OLFM3: variants seen among roughly 807,000 people sequenced by gnomAD.
OLFM3 encodes olfactomedin 3.
OLFM3 carries 20 observed loss-of-function variants against 48.6 expected under a neutral mutation model. That is an observed-to-expected ratio of 0.41 (90% CI 0.29 to 0.60). OLFM3 has a LOEUF of 0.60. Ranked by LOEUF, OLFM3 falls within the 20% of genes least tolerant of loss-of-function variation. OLFM3 has a pLI of 0.28. For synonymous variants in OLFM3, 222 were observed against 198.1 expected, an observed-to-expected ratio of 1.12 and a Z score of -1.01; for missense variants, 437 against 544.3, an observed-to-expected ratio of 0.80 and a Z score of 1.96.
At chr1:101,920,017 T>A (rs1464315238) in intron 1 of OLFM3, among the ~76,000 whole-genome samples, 1 of 152,186 alleles carries the variant, frequency 6.6e-6, no homozygotes, top group African/African-American at 2.4e-5. Context: ...TTATATTTCA[T>A]AACCAACCTG....
chr1:101,930,618 T>C (rs1162408005), intron 1 of OLFM3, among the ~76,000 whole-genome samples: 1 of 152,180 alleles, frequency 6.6e-6, no homozygotes, highest in African/African-American at 2.4e-5. Context: ...TATAGTATAG[T>C]TGGGTAGCAA....
Position 101,907,196 on chromosome 1 carries a change from T to C in OLFM3, c.70-70171A>G, listed in dbSNP as rs150767668. ...ATAAAATCATAAACTTAATGAGATA[T>C]TTGGATAATCATTTACATGCAGTAA... On this transcript the variant is annotated intron_variant, in intron 1 of 5. Transcript: ENST00000370103. Among the ~76,000 whole-genome samples the C allele has an allele frequency of 8.5e-5, 13 of 152,288 alleles. No individual in the cohort carries two copies. In the East Asian group the frequency reaches 2.3e-3, roughly 27 times the overall value.
At chr1:101,941,828 T>C (rs940969646) in intron 1 of OLFM3, among the ~76,000 whole-genome samples, 1 of 152,182 alleles carries the variant, frequency 6.6e-6, no homozygotes, top group African/African-American at 2.4e-5. Context: ...GGCAGCTGTG[T>C]AGTAACTCCA....
At chr1:101,839,696 T>C (rs1021743368) in intron 1 of OLFM3, among the ~76,000 whole-genome samples, 3 of 152,190 alleles carry the variant, frequency 2.0e-5, no homozygotes, top group Non-Finnish European at 4.4e-5. Flanking sequence ...GTGGAGCTCA[T>C]CATGACAGAA....
intron 1 of OLFM3, among the ~76,000 whole-genome samples, chr1:101,865,150 A>G (rs888577731): frequency 6.6e-6 from 1 of 151,746 alleles, no homozygotes; most frequent in African/African-American, 2.4e-5. Context: ...GGACTTTCTG[A>G]GTGGTTTCTT....
At chr1:101,915,125 G>A (rs147875991) in intron 1 of OLFM3, among the ~76,000 whole-genome samples, 2 of 152,040 alleles carry the variant, frequency 1.3e-5, no homozygotes, top group Non-Finnish European at 2.9e-5. Flanking sequence ...TTCAGTGTAC[G>A]CAATACAACA....
intron 1 of OLFM3, among the ~76,000 whole-genome samples, chr1:101,842,437 G>A (rs542409579): frequency 2.0e-5 from 3 of 152,088 alleles, no homozygotes; most frequent in African/African-American, 7.2e-5. Flanking sequence ...GGGGTGAGAT[G>A]GGGGGCCGCT....
chr1:101,811,744 T>C (rs968120091), intron 4 of OLFM3, among the ~76,000 whole-genome samples: 3 of 152,132 alleles, frequency 2.0e-5, no homozygotes, highest in Non-Finnish European at 2.9e-5. Context: ...GGTGGGACTG[T>C]AAACTAGTTC....
chr1:101,965,039 T>G (rs1379480789), intron 1 of OLFM3, among the ~76,000 whole-genome samples: 1 of 152,206 alleles, frequency 6.6e-6, no homozygotes, highest in Non-Finnish European at 1.5e-5. Flanking sequence ...TCAAACCTCT[T>G]TAAACTGTGA....
At chr1:101,838,021 A>G (rs1201663832) in intron 1 of OLFM3, 2 of 151,790 alleles carry the variant, frequency 1.3e-5, no homozygotes, top group African/African-American at 2.4e-5. Context: ...TTTTTTTTAT[A>G]TATAGACAAA....
intron 4 of OLFM3, among the ~76,000 whole-genome samples, chr1:101,812,027 C>G (rs1654079327): frequency 6.6e-6 from 1 of 152,116 alleles, no homozygotes; most frequent in African/African-American, 2.4e-5. Context: ...GAGTTCGTGT[C>G]CTTTGTAGGG....
intron 1 of OLFM3, among the ~76,000 whole-genome samples, chr1:101,841,096 T>C (rs1413028992): frequency 6.6e-6 from 1 of 152,242 alleles, no homozygotes; most frequent in African/African-American, 2.4e-5. Flanking sequence ...CTGTGCTTTA[T>C]AAATATAAAG....
At chr1:101,926,407 C>T (rs1659271713) in intron 1 of OLFM3, among the ~76,000 whole-genome samples, 1 of 152,100 alleles carries the variant, frequency 6.6e-6, no homozygotes. Context: ...TCTAGGCTGC[C>T]ATTATATTCA....
rs895744173 is a variant in OLFM3, at chr1:101,942,865, T to C, written c.69+53883A>G. Among the ~76,000 whole-genome samples, 3 of 152,324 alleles carry C rather than the reference T, an allele frequency of 2.0e-5. No homozygotes were observed. In the East Asian group the frequency reaches 5.8e-4, roughly 29 times the overall value. On this transcript the variant is annotated intron_variant, in intron 1 of 5. Coordinates refer to ENST00000370103, the MANE Select transcript of OLFM3 (RefSeq NM_058170.4). ...AAATCAAGAATGACCTTTAGCCTTTTAGCAATTAGATCATAATTTTTTCTT... is the reference window on the plus strand; with the variant it reads ...AAATCAAGAATGACCTTTAGCCTTTCAGCAATTAGATCATAATTTTTTCTT...
At chr1:101,952,106 C>G (rs974274368) in intron 1 of OLFM3, among the ~76,000 whole-genome samples, 3 of 151,946 alleles carry the variant, frequency 2.0e-5, no homozygotes, top group Non-Finnish European at 4.4e-5. Flanking sequence ...TTAACTGTAC[C>G]CTGGCTTTGC....
In OLFM3 at chr1:101,821,361, C is replaced by CAT. The variant is rs538799759; in HGVS notation, c.592+3663_592+3664dup. ...TTATGCACTATATATAATATAACAA[C>CAT]ATATATAATATATACTACCACACAT... is the stretch of plus-strand genomic sequence containing the variant. On this transcript the variant is annotated intron_variant, in intron 4 of 5. Transcript: ENST00000370103. Among the ~76,000 whole-genome samples the CAT allele has an allele frequency of 4.0e-3, 614 of 152,094 alleles. 2 individuals carry two copies. The highest frequency in any genetic ancestry group is 5.8e-3 in the Admixed American group (88 of 15,248).
chr1:101,992,116 T>C (rs1451506893), intron 1 of OLFM3, among the ~76,000 whole-genome samples: 1 of 152,044 alleles, frequency 6.6e-6, no homozygotes, highest in African/African-American at 2.4e-5. Context: ...ATAGAAGAGG[T>C]AGGGTCTAGA....
At chr1:101,866,084 AT>A (rs1384234489) in intron 1 of OLFM3, among the ~76,000 whole-genome samples, 6 of 152,206 alleles carry the variant, frequency 3.9e-5, no homozygotes, top group Non-Finnish European at 8.8e-5. Flanking sequence ...ATGACCATTC[AT>A]TTGTATATTT....
chr1:101,897,415 A>G (rs1308342254), intron 1 of OLFM3, among the ~76,000 whole-genome samples: 1 of 152,184 alleles, frequency 6.6e-6, no homozygotes, highest in Non-Finnish European at 1.5e-5. Context: ...ACATGGCAGG[A>G]GAACACTAAA....
Sources: allele counts gnomAD v4.1 joint callset (sites outside exome capture counted in the v4.1 genomes callset), GRCh38; gene constraint gnomAD v4.1.1; transcripts MANE v1.5; gene names NCBI Gene and HGNC (gene_info 2026-07-23, HGNC 2026-07-21).